The following DHRSX variants were observed in gnomAD, a reference collection of about 807,000 sequenced individuals.
DHRSX encodes the protein dehydrogenase/reductase X-linked, also known as polyprenol dehydrogenase.
Under a neutral mutation model 34.0 loss-of-function variants are expected in DHRSX, and 31 were observed. The observed-to-expected ratio is 0.91, with a 90% CI of 0.69 to 1.23. DHRSX has a LOEUF of 1.23. Among genes scored for constraint, DHRSX ranks in the 50% most tolerant of loss-of-function variants. DHRSX has a pLI of 0.00. For missense variants in DHRSX, 414 were observed against 428.1 expected (o/e 0.97, Z 0.29); for synonymous variants, 201 against 183.8 (o/e 1.09, Z -0.76).
chrX:2,325,890 CGT>C (rs895184999), intron 3 of DHRSX, among the ~76,000 whole-genome samples: 4 of 152,176 alleles, frequency 2.6e-5, no homozygotes, highest in South Asian at 2.1e-4. Context: ...CTAAACTCCT[CGT>C]GTGTGTCTTT....
intron 3 of DHRSX, among the ~76,000 whole-genome samples, chrX:2,355,511 TAAAAAAAAAAAAA>T (rs767512287): frequency 7.8e-4 from 59 of 75,306 alleles, no homozygotes; most frequent in South Asian, 3.6e-3. Flanking sequence ...AGACCCCATC[TAAAAAAAAAAAAA>T]AAAAAAAAAA....
intron 6 of DHRSX, among the ~76,000 whole-genome samples, chrX:2,221,655 T>G (rs754896890): frequency 8.8e-4 from 134 of 152,302 alleles, no homozygotes; most frequent in African/African-American, 3.1e-3. Context: ...ATTCTTGTTT[T>G]CAATTCAGCA....
At chrX:2,339,199 G>C (rs1211039578) in intron 3 of DHRSX, among the ~76,000 whole-genome samples, 1 of 151,852 alleles carries the variant, frequency 6.6e-6, no homozygotes, top group Non-Finnish European at 1.5e-5. Flanking sequence ...GCAGTGGCAT[G>C]ATCTCGGCTC....
chrX:2,474,350 C>A (rs2044640339), intron 1 of DHRSX, among the ~76,000 whole-genome samples: 1 of 151,990 alleles, frequency 6.6e-6, no homozygotes, highest in Non-Finnish European at 1.5e-5. Flanking sequence ...TGAAGATGTT[C>A]CCTAAGAATG....
rs1197660127 is a variant in DHRSX, at chrX:2,266,852, G to A, written c.484C>T (p.Leu162Phe). The A allele has an allele frequency of 6.2e-7, 1 of 1,613,850 alleles. No individual in the cohort carries two copies. The highest frequency in any genetic ancestry group is 8.5e-7 in the Non-Finnish European group (1 of 1,179,870). Reference sequence around the variant, plus strand: ...CCAGACTCTTTCAGCGTATCCAAGAGAAGGTTGGTCAGCAGGAAGTGCCCT... The same window carrying A: ...CCAGACTCTTTCAGCGTATCCAAGAAAAGGTTGGTCAGCAGGAAGTGCCCT... ...YLGHFLLTNL[L>F]LDTLKESGSP... The change falls in exon 5 of 7, where the codon CTC becomes TTC. Residue 162 changes from leucine to phenylalanine, a missense_variant. Leu to Phe is a conservative substitution (Grantham distance 22). Coordinates refer to ENST00000334651, the MANE Select transcript of DHRSX (RefSeq NM_145177.3).
At chrX:2,346,866 T>C (rs901470572) in intron 3 of DHRSX, among the ~76,000 whole-genome samples, 3 of 152,068 alleles carry the variant, frequency 2.0e-5, no homozygotes, top group Non-Finnish European at 2.9e-5. Flanking sequence ...GTTCTCATTG[T>C]TCAACTCCCA....
intron 1 of DHRSX, among the ~76,000 whole-genome samples, chrX:2,498,625 G>GGA (rs1556035826): frequency 1.1e-3 from 142 of 128,756 alleles, no homozygotes; most frequent in African/African-American, 3.7e-3. Flanking sequence ...CAGTAAATGG[G>GGA]AAAAAAAAAA....
At chrX:2,441,865 G>A (rs2044066833) in intron 1 of DHRSX, among the ~76,000 whole-genome samples, 1 of 152,036 alleles carries the variant, frequency 6.6e-6, no homozygotes, top group Admixed American at 6.6e-5. Flanking sequence ...GAGGTCAGGA[G>A]TTCAAGACCA....
At chrX:2,251,364 TG>T (rs1223175630) in intron 5 of DHRSX, among the ~76,000 whole-genome samples, 1 of 152,252 alleles carries the variant, frequency 6.6e-6, no homozygotes, top group Non-Finnish European at 1.5e-5. Flanking sequence ...ATGCTTATAC[TG>T]GTCCAAGCAA....
intron 3 of DHRSX, among the ~76,000 whole-genome samples, chrX:2,369,371 A>C (rs2043030459): frequency 6.6e-6 from 1 of 152,208 alleles, no homozygotes; most frequent in Non-Finnish European, 1.5e-5. Context: ...ATTTTGAAGA[A>C]CTTCATTGAA....
intron 5 of DHRSX, among the ~76,000 whole-genome samples, chrX:2,246,741 A>AG (rs2016303049): frequency 3.5e-5 from 4 of 113,502 alleles, no homozygotes; most frequent in Admixed American, 8.4e-5. Flanking sequence ...AGAAAGAAAG[A>AG]AAGAAAGAAA....
At chrX:2,236,579 C>T (rs2016020955) in intron 6 of DHRSX, among the ~76,000 whole-genome samples, 1 of 151,954 alleles carries the variant, frequency 6.6e-6, no homozygotes, top group Non-Finnish European at 1.5e-5. Context: ...TTACAGGCGT[C>T]CGCCACCATG....
chrX:2,251,747 T>C (rs1313934710), intron 5 of DHRSX, among the ~76,000 whole-genome samples: 1 of 152,200 alleles, frequency 6.6e-6, no homozygotes, highest in African/African-American at 2.4e-5. Context: ...CAAACAGACC[T>C]GAGGTTTACC....
intron 3 of DHRSX, among the ~76,000 whole-genome samples, chrX:2,395,278 C>T (rs1434085220): frequency 6.6e-6 from 1 of 152,164 alleles, no homozygotes; most frequent in East Asian, 1.9e-4. Context: ...CCCTCCCTGC[C>T]CGTGTGAAGC....
chrX:2,394,630 G>A (rs777187433), intron 3 of DHRSX, among the ~76,000 whole-genome samples: 148 of 152,294 alleles, frequency 9.7e-4, no homozygotes, highest in African/African-American at 3.4e-3. Context: ...CACTTTGGGA[G>A]GCTGAGGCGG....
At chrX:2,493,528 A>G (rs2045210881) in intron 1 of DHRSX, among the ~76,000 whole-genome samples, 1 of 151,638 alleles carries the variant, frequency 6.6e-6, no homozygotes, top group Non-Finnish European at 1.5e-5. Context: ...GAAAGGTTTC[A>G]ATTCCATTAT....
intron 3 of DHRSX, among the ~76,000 whole-genome samples, chrX:2,304,162 TGGATGAAC>T (rs1224440714): frequency 6.7e-4 from 96 of 143,912 alleles, no homozygotes; most frequent in African/African-American, 2.0e-3. Context: ...GATGGATGGA[TGGATGAAC>T]TGATGGATGG....
At chrX:2,324,112 A>G (rs1303034619) in intron 3 of DHRSX, among the ~76,000 whole-genome samples, 1 of 151,972 alleles carries the variant, frequency 6.6e-6, no homozygotes, top group Non-Finnish European at 1.5e-5. Context: ...CTGCTTTGTA[A>G]TTAAAAGTAA....
intron 3 of DHRSX, among the ~76,000 whole-genome samples, chrX:2,383,219 CATT>C (rs1223889297): frequency 2.6e-5 from 4 of 151,624 alleles, no homozygotes; most frequent in Non-Finnish European, 5.9e-5. Flanking sequence ...TCACCATCAT[CATT>C]ATCATTTCTA....
Sources: allele counts gnomAD v4.1 joint callset (sites outside exome capture counted in the v4.1 genomes callset), GRCh38; gene constraint gnomAD v4.1.1; transcripts MANE v1.5; gene names NCBI Gene and HGNC (gene_info 2026-07-23, HGNC 2026-07-21).